HS6ST3: variants seen among roughly 807,000 people sequenced by gnomAD.
HS6ST3 encodes heparan-sulfate 6-O-sulfotransferase 3.
Under a neutral mutation model 36.7 loss-of-function variants are expected in HS6ST3, and 12 were observed. The ratio of observed to expected loss-of-function variants is 0.33; its 90% confidence interval spans 0.21 to 0.53. The LOEUF is 0.53. Among genes scored for constraint, HS6ST3 ranks in the 20% least tolerant of loss-of-function variants. HS6ST3 has a pLI of 0.95. For synonymous variants in HS6ST3, 240 were observed against 257.5 expected, an observed-to-expected ratio of 0.93 and a Z score of 0.65; for missense variants, 584 against 640.9, an observed-to-expected ratio of 0.91 and a Z score of 0.96.
chr13:96,789,542 C>T (rs1204038848), intron 1 of HS6ST3, among the ~76,000 whole-genome samples: 1 of 151,820 alleles, frequency 6.6e-6, no homozygotes, highest in East Asian at 1.9e-4. Context: ...TTCCAGGTTT[C>T]CCACTCATAT....
At chr13:96,724,739 T>A (rs905112030) in intron 1 of HS6ST3, among the ~76,000 whole-genome samples, 3 of 152,352 alleles carry the variant, frequency 2.0e-5, no homozygotes, top group East Asian at 3.9e-4. Flanking sequence ...TAGTTCATTG[T>A]ATAGAGATGC....
Position 96,720,690 on chromosome 13 carries a change from C to T in HS6ST3, c.708-111800C>T, listed in dbSNP as rs190924714. Among the ~76,000 whole-genome samples the T allele has an allele frequency of 5.6e-3, 859 of 152,200 alleles. 1 individual carries two copies. Among genetic ancestry groups the T allele is most frequent in the Admixed American group, 0.012 (188 of 15,280 alleles). On this transcript the variant is annotated intron_variant, in intron 1 of 1. Coordinates refer to ENST00000376705, the MANE Select transcript of HS6ST3 (RefSeq NM_153456.4). ...CTCAAAATAGACGCAACATGTACTG[C>T]GAAAGGAAATTTCTTCTATTGATGC...
At chr13:96,647,710 T>C (rs1489529384) in intron 1 of HS6ST3, among the ~76,000 whole-genome samples, 5 of 152,022 alleles carry the variant, frequency 3.3e-5, no homozygotes, top group African/African-American at 7.2e-5. Flanking sequence ...CTTTTATAGA[T>C]ATGATGAAGA....
intron 1 of HS6ST3, among the ~76,000 whole-genome samples, chr13:96,269,385 T>A (rs1390445004): frequency 1.3e-5 from 2 of 152,008 alleles, no homozygotes; most frequent in African/African-American, 4.8e-5. Context: ...TATGTGAGTT[T>A]TGAAAAATGC....
intron 1 of HS6ST3, among the ~76,000 whole-genome samples, chr13:96,669,354 A>G (rs2056675668): frequency 6.6e-6 from 1 of 152,080 alleles, no homozygotes; most frequent in South Asian, 2.1e-4. Flanking sequence ...AGGTAACTGG[A>G]TCCTTCCTTC....
intron 1 of HS6ST3, among the ~76,000 whole-genome samples, chr13:96,821,896 T>C (rs1566462116): frequency 1.3e-5 from 2 of 152,364 alleles, no homozygotes; most frequent in East Asian, 3.9e-4. Context: ...TTGGAAAATA[T>C]GCATCAGAGC....
intron 1 of HS6ST3, among the ~76,000 whole-genome samples, chr13:96,611,992 CAGTT>C (rs547434090): frequency 1.7e-3 from 261 of 152,190 alleles, no homozygotes; most frequent in Non-Finnish European, 3.4e-3. Flanking sequence ...GGCTGGTAGA[CAGTT>C]AGGGGGCTGA....
chr13:96,142,171 C>A (rs1450142986), intron 1 of HS6ST3, among the ~76,000 whole-genome samples: 1 of 151,810 alleles, frequency 6.6e-6, no homozygotes, highest in African/African-American at 2.4e-5. Context: ...TACTTATTTT[C>A]ATCCATTAGT....
chr13:96,268,546 G>A (rs547488640), intron 1 of HS6ST3, among the ~76,000 whole-genome samples: 8 of 151,994 alleles, frequency 5.3e-5, no homozygotes, highest in Non-Finnish European at 1.2e-4. Flanking sequence ...TTTGGGTGGG[G>A]ACACAGCAAA....
intron 1 of HS6ST3, among the ~76,000 whole-genome samples, chr13:96,810,588 A>C (rs1234985755): frequency 6.6e-6 from 1 of 152,202 alleles, no homozygotes; most frequent in Non-Finnish European, 1.5e-5. Context: ...AAAGGAAGTA[A>C]AGTTCCAGAA....
At chr13:96,264,828 G>C (rs2054683823) in intron 1 of HS6ST3, among the ~76,000 whole-genome samples, 2 of 152,126 alleles carry the variant, frequency 1.3e-5, no homozygotes, top group Admixed American at 1.3e-4. Context: ...ATTTGCCAGT[G>C]TTATAAGTTG....
intron 1 of HS6ST3, among the ~76,000 whole-genome samples, chr13:96,559,904 G>A (rs911710570): frequency 6.6e-6 from 1 of 152,066 alleles, no homozygotes; most frequent in Non-Finnish European, 1.5e-5. Flanking sequence ...TTAGTGGAGT[G>A]GTGATGGGGG....
intron 1 of HS6ST3, among the ~76,000 whole-genome samples, chr13:96,816,052 C>G (rs1038798364): frequency 2.0e-5 from 3 of 152,136 alleles, no homozygotes; most frequent in Non-Finnish European, 2.9e-5. Context: ...ATCCCCAGAT[C>G]GTGGCTGCAA....
chr13:96,167,870 T>A (rs954383170), intron 1 of HS6ST3, among the ~76,000 whole-genome samples: 2 of 152,186 alleles, frequency 1.3e-5, no homozygotes, highest in African/African-American at 4.8e-5. Flanking sequence ...ATAAATAAAC[T>A]CTGTATATGT....
At chr13:96,520,035 C>T (rs17687880) in intron 1 of HS6ST3, among the ~76,000 whole-genome samples, 6,619 of 152,236 alleles carry the variant, frequency 0.043, 201 homozygotes, top group Non-Finnish European at 0.069. Flanking sequence ...ATTTGAACCT[C>T]TGTTCCTTGT....
At position 96,346,589 on chromosome 13, in the gene HS6ST3, T is replaced by A. The variant is rs867340012; in HGVS notation, c.707+255020T>A. Among the ~76,000 whole-genome samples, 561 of 147,920 alleles carry A rather than the reference T, an allele frequency of 3.8e-3. 7 individuals are homozygous for A. The highest frequency in any genetic ancestry group is 7.1e-3 in the South Asian group (33 of 4,638). ...CTCCGTCTCAAAAAAAAAATAATAA[T>A]AATAATAATAAAACAAAGCCAGAAA... On this transcript the variant is annotated intron_variant, in intron 1 of 1. Coordinates refer to ENST00000376705, the MANE Select transcript of HS6ST3 (RefSeq NM_153456.4).
chr13:96,123,278 T>G (rs988599435), intron 1 of HS6ST3, among the ~76,000 whole-genome samples: 1 of 152,208 alleles, frequency 6.6e-6, no homozygotes, highest in Non-Finnish European at 1.5e-5. Context: ...GCCGTTTGTT[T>G]TGCTTATATT....
At chr13:96,608,436 C>T (rs1171358857) in intron 1 of HS6ST3, among the ~76,000 whole-genome samples, 1 of 152,184 alleles carries the variant, frequency 6.6e-6, no homozygotes, top group Non-Finnish European at 1.5e-5. Context: ...TGCCAAATGC[C>T]ACTAATAGTC....
intron 1 of HS6ST3, among the ~76,000 whole-genome samples, chr13:96,609,072 C>A (rs911103646): frequency 6.6e-6 from 1 of 152,182 alleles, no homozygotes; most frequent in South Asian, 2.1e-4. Context: ...CGGGTTCATG[C>A]CATTCTCCTG....
Sources: allele counts gnomAD v4.1 joint callset (sites outside exome capture counted in the v4.1 genomes callset), GRCh38; gene constraint gnomAD v4.1.1; transcripts MANE v1.5; gene names NCBI Gene and HGNC (gene_info 2026-07-23, HGNC 2026-07-21).